The following SBF2 variants were observed in gnomAD, a reference collection of about 807,000 sequenced individuals.
SBF2 encodes the protein SET binding factor 2, also known as myotubularin-related protein 13.
In SBF2, 112 loss-of-function variants were observed where a neutral mutation model predicts 225.2. That is an observed-to-expected ratio of 0.50 (90% CI 0.43 to 0.58). The LOEUF is 0.58. SBF2 is among the 20% of genes least tolerant of loss of function. SBF2 has a pLI of 0.00. For missense variants in SBF2, 1,996 were observed against 2,206.2 expected, an observed-to-expected ratio of 0.90 and a Z score of 1.91; for synonymous variants, 763 against 773.3, an observed-to-expected ratio of 0.99 and a Z score of 0.22.
At chr11:10,299,496 C>A (rs1465700953) in intron 1 of SBF2, among the ~76,000 whole-genome samples, 1 of 152,164 alleles carries the variant, frequency 6.6e-6, no homozygotes, top group Non-Finnish European at 1.5e-5. Context: ...TTACTTAGAT[C>A]ACATGTTTGA....
intron 1 of SBF2, among the ~76,000 whole-genome samples, chr11:10,285,865 A>G (rs1437377096): frequency 6.6e-6 from 1 of 152,244 alleles, no homozygotes; most frequent in Non-Finnish European, 1.5e-5. Context: ...AAACAACCCA[A>G]TAAAAAAGAG....
intron 30 of SBF2, 34 bp from the exon 31 acceptor site, chr11:9,809,036 A>C: frequency 6.4e-7 from 1 of 1,555,740 alleles, no homozygotes; most frequent in South Asian, 1.1e-5. Context: ...AATTAGACCA[A>C]GCGCTTTCTG....
At chr11:9,962,156 A>T (rs765827987) in intron 15 of SBF2, 50 bp from the exon 16 acceptor site, 1 of 1,538,396 alleles carries the variant, frequency 6.5e-7, no homozygotes, top group Admixed American at 1.7e-5. Flanking sequence ...TGGGGGAAAC[A>T]ACAACTTTCA....
chr11:9,939,642 G>C (rs7949493), intron 16 of SBF2, among the ~76,000 whole-genome samples: 16,575 of 152,178 alleles, frequency 0.11, 1,033 homozygotes, highest in Non-Finnish European at 0.13. Flanking sequence ...AAGAGCAACT[G>C]AATCTGTTGT....
chr11:10,015,064 G>A (rs1948601087), intron 6 of SBF2, among the ~76,000 whole-genome samples: 1 of 152,138 alleles, frequency 6.6e-6, no homozygotes, highest in Admixed American at 6.5e-5. Flanking sequence ...AGCCCAGGAG[G>A]TCGAGGCTAC....
chr11:10,174,641 A>G (rs901130874), intron 2 of SBF2, among the ~76,000 whole-genome samples: 1 of 152,118 alleles, frequency 6.6e-6, no homozygotes, highest in African/African-American at 2.4e-5. Context: ...CCAACATTCA[A>G]ATTCAGGAAA....
At chr11:10,134,195 A>G (rs750438799) in intron 2 of SBF2, among the ~76,000 whole-genome samples, 1 of 152,172 alleles carries the variant, frequency 6.6e-6, no homozygotes, top group Non-Finnish European at 1.5e-5. Flanking sequence ...TTACAAAACC[A>G]TCAGATCTCA....
chr11:9,984,902 A>G (rs1301502010), intron 13 of SBF2, among the ~76,000 whole-genome samples: 2 of 152,222 alleles, frequency 1.3e-5, no homozygotes, highest in Non-Finnish European at 2.9e-5. Context: ...GCCATTACCA[A>G]ACCACCACTA....
At chr11:10,241,343 G>T (rs575285390) in intron 1 of SBF2, among the ~76,000 whole-genome samples, 1 of 145,690 alleles carries the variant, frequency 6.9e-6, no homozygotes, top group East Asian at 1.9e-4. Context: ...AACAGAGCGA[G>T]ACTGTCTCAA....
chr11:10,302,366 C>T (rs1314501849), intron 1 of SBF2, among the ~76,000 whole-genome samples: 1 of 152,258 alleles, frequency 6.6e-6, no homozygotes, highest in East Asian at 1.9e-4. Context: ...GGGGTGCGCG[C>T]TCGCGCACAC....
At chr11:9,784,919 A>G (rs1852271568) in intron 37 of SBF2, 2 of 614,174 alleles carry the variant, frequency 3.3e-6, no homozygotes, top group East Asian at 2.9e-5. Context: ...ACAAATAACT[A>G]CAACCTCTTC....
intron 17 of SBF2, among the ~76,000 whole-genome samples, chr11:9,868,686 C>T (rs569370735): frequency 6.6e-6 from 1 of 152,262 alleles, no homozygotes; most frequent in Non-Finnish European, 1.5e-5. Flanking sequence ...CTTTTTCCAC[C>T]TGCAATTTAT....
At chr11:9,879,791 T>C (rs571889095) in intron 17 of SBF2, among the ~76,000 whole-genome samples, 2 of 152,216 alleles carry the variant, frequency 1.3e-5, no homozygotes, top group African/African-American at 4.8e-5. Context: ...TTGTTTCAGA[T>C]CTCAGGATGA....
intron 16 of SBF2, among the ~76,000 whole-genome samples, chr11:9,946,235 T>A (rs753894176): frequency 3.3e-5 from 5 of 152,136 alleles, no homozygotes; most frequent in Non-Finnish European, 1.5e-5. Context: ...ACATACACCA[T>A]GGAATACTAA....
intron 13 of SBF2, among the ~76,000 whole-genome samples, chr11:9,986,536 C>A (rs1947203927): frequency 6.6e-6 from 1 of 151,998 alleles, no homozygotes; most frequent in East Asian, 1.9e-4. Context: ...AGACCATTAG[C>A]AAGATTAACC....
At chr11:9,782,356 A>G (rs1852069846) in intron 38 of SBF2, among the ~76,000 whole-genome samples, 1 of 152,240 alleles carries the variant, frequency 6.6e-6, no homozygotes, top group East Asian at 1.9e-4. Flanking sequence ...CAAATGATCT[A>G]TAAACATCTG....
chr11:9,938,031 A>G (rs1027776674), intron 16 of SBF2, among the ~76,000 whole-genome samples: 9 of 141,838 alleles, frequency 6.3e-5, no homozygotes, highest in Non-Finnish European at 1.2e-4. Context: ...GGTAGCTCAC[A>G]CTTGTAATCC....
chr11:9,959,453 T>G, intron 16 of SBF2: 1 of 1,046,180 alleles, frequency 9.6e-7, no homozygotes, highest in South Asian at 1.3e-5. Flanking sequence ...ATGTCCCTTA[T>G]CCGTTTACAG....
chr11:9,850,317 G>C, intron 21 of SBF2, 99 bp from the exon 22 acceptor site: 1 of 1,084,032 alleles, frequency 9.2e-7, no homozygotes, highest in Non-Finnish European at 1.4e-6. Context: ...ATACAGTAGT[G>C]CAATCATAGT....
Sources: allele counts gnomAD v4.1 joint callset (sites outside exome capture counted in the v4.1 genomes callset), GRCh38; gene constraint gnomAD v4.1.1; transcripts MANE v1.5; gene names NCBI Gene and HGNC (gene_info 2026-07-23, HGNC 2026-07-21).